MFHAS1: variants seen among roughly 807,000 people sequenced by gnomAD.
MFHAS1 encodes multifunctional ROCO family signaling regulator 1.
MFHAS1 carries 50 observed loss-of-function variants against 70.4 expected under a neutral mutation model. The ratio of observed to expected loss-of-function variants is 0.71; its 90% confidence interval spans 0.57 to 0.90. The LOEUF is 0.90. Among genes scored for constraint, MFHAS1 ranks in the 40% least tolerant of loss-of-function variants. The pLI is 0.00. For synonymous variants in MFHAS1, 952 were observed against 620.0 expected (o/e 1.54, Z -7.96); for missense variants, 1,795 against 1,347.6 (o/e 1.33, Z -5.20).
chr8:8,811,206 G>A (rs1374740098), intron 1 of MFHAS1, among the ~76,000 whole-genome samples: 2 of 152,024 alleles, frequency 1.3e-5, no homozygotes, highest in Non-Finnish European at 2.9e-5. Context: ...GAAACCCACA[G>A]CATCTATGAT....
intron 1 of MFHAS1, among the ~76,000 whole-genome samples, chr8:8,870,111 G>A (rs1430286051): frequency 6.6e-6 from 1 of 152,100 alleles, no homozygotes; most frequent in East Asian, 1.9e-4. Context: ...CCAGATGCCA[G>A]AAGTTCCTTC....
intron 1 of MFHAS1, among the ~76,000 whole-genome samples, chr8:8,824,521 TCACACACA>T (rs57194505): frequency 0.016 from 2,297 of 146,010 alleles, 56 homozygotes; most frequent in African/African-American, 0.042. Flanking sequence ...TCTCTCTCTT[TCACACACA>T]CACACACACA....
At chr8:8,793,111 G>A (rs988928405) in intron 2 of MFHAS1, among the ~76,000 whole-genome samples, 3 of 152,030 alleles carry the variant, frequency 2.0e-5, no homozygotes, top group Non-Finnish European at 2.9e-5. Context: ...CCAATGAAAC[G>A]CTGGTGGAGA....
At chr8:8,888,480 T>C (rs936662368) in intron 1 of MFHAS1, among the ~76,000 whole-genome samples, 35 of 151,900 alleles carry the variant, frequency 2.3e-4, no homozygotes, top group African/African-American at 7.5e-4. Flanking sequence ...ACTTGGAATG[T>C]TGTTAACCAC....
intron 1 of MFHAS1, among the ~76,000 whole-genome samples, chr8:8,870,724 T>C (rs558206477): frequency 2.3e-4 from 35 of 152,270 alleles, no homozygotes; most frequent in African/African-American, 8.2e-4. Context: ...CTGGAATTTA[T>C]TACACAGCCC....
intron 1 of MFHAS1, among the ~76,000 whole-genome samples, chr8:8,848,602 G>A (rs1347899060): frequency 7.0e-6 from 1 of 143,192 alleles, no homozygotes; most frequent in African/African-American, 2.4e-5. Flanking sequence ...TACTACTAAC[G>A]GAGCTGGGCA....
chr8:8,828,184 C>A (rs999048533), intron 1 of MFHAS1, among the ~76,000 whole-genome samples: 17 of 152,200 alleles, frequency 1.1e-4, no homozygotes, highest in African/African-American at 4.1e-4. Context: ...ACTCGTCAAT[C>A]ATTTGTGTCG....
intron 1 of MFHAS1, among the ~76,000 whole-genome samples, chr8:8,824,795 T>C (rs571696127): frequency 3.3e-5 from 5 of 151,870 alleles, no homozygotes; most frequent in East Asian, 3.9e-4. Context: ...GGAAAGAAAA[T>C]AGATTAGAGA....
intron 2 of MFHAS1, among the ~76,000 whole-genome samples, chr8:8,796,407 C>CA (rs1334020090): frequency 1.3e-5 from 2 of 152,142 alleles, no homozygotes; most frequent in African/African-American, 4.8e-5. Context: ...GACTGCCCGT[C>CA]AAAAAACTAT....
chr8:8,849,476 A>G (rs924563945), intron 1 of MFHAS1, among the ~76,000 whole-genome samples: 1 of 152,204 alleles, frequency 6.6e-6, no homozygotes, highest in African/African-American at 2.4e-5. Context: ...CCACATGTGC[A>G]TAATGTGTGT....
At position 8,890,043 on chromosome 8, in the gene MFHAS1, C is replaced by T. The variant is rs1328920532; in HGVS notation, c.2998+18G>A. 1 of 1,555,446 alleles carries T rather than the reference C, an allele frequency of 6.4e-7. No individual in the cohort carries two copies. Among genetic ancestry groups the T allele is most frequent in the East Asian group, 2.3e-5 (1 of 44,268 alleles). Reference sequence around the variant, plus strand: ...CTTACAGCATACCACAGAAGAACTTCTCCCTCTCTCCACTTACCTGGAAAA... The same window carrying T: ...CTTACAGCATACCACAGAAGAACTTTTCCCTCTCTCCACTTACCTGGAAAA... On this transcript the variant is annotated intron_variant, in intron 1 of 2. Transcript: ENST00000276282.
intron 1 of MFHAS1, among the ~76,000 whole-genome samples, chr8:8,877,197 G>A (rs1240898818): frequency 6.6e-6 from 1 of 151,522 alleles, no homozygotes; most frequent in African/African-American, 2.4e-5. Context: ...CTACTGGGGA[G>A]GCTGAGGTGG....
At chr8:8,857,525 C>T (rs1808488681) in intron 1 of MFHAS1, among the ~76,000 whole-genome samples, 1 of 152,054 alleles carries the variant, frequency 6.6e-6, no homozygotes. Flanking sequence ...TTGGGAGTCC[C>T]AGGCAGGTGG....
At chr8:8,868,697 C>G (rs1007739896) in intron 1 of MFHAS1, among the ~76,000 whole-genome samples, 1 of 152,136 alleles carries the variant, frequency 6.6e-6, no homozygotes, top group Non-Finnish European at 1.5e-5. Context: ...GGCATGACAC[C>G]TGAGTCTGGG....
chr8:8,796,696 A>AAAAAAGGC (rs1805911809), intron 2 of MFHAS1, among the ~76,000 whole-genome samples: 1 of 97,408 alleles, frequency 1.0e-5, no homozygotes, highest in African/African-American at 3.4e-5. Context: ...AACAAAAAAA[A>AAAAAAGGC]AAAAAAAGGC....
chr8:8,859,139 G>C (rs332032), intron 1 of MFHAS1, among the ~76,000 whole-genome samples: 26,238 of 152,172 alleles, frequency 0.17, 2,772 homozygotes, highest in African/African-American at 0.3. Flanking sequence ...GATCACTTGA[G>C]GTCAGGAGTT....
rs1303197769 is a variant in MFHAS1 at position 8,891,077 on chromosome 8, C to G, written c.1982G>C (p.Arg661Pro). 6.2e-7 allele frequency: 1 copy of G among 1,613,642 alleles called. No homozygotes were observed. The highest frequency in any genetic ancestry group is 1.1e-5 in the South Asian group (1 of 91,038). The change falls in exon 1 of 3, where the codon CGA becomes CCA. Residue 661 changes from arginine (R) to proline (P), a missense_variant. Physicochemically the swap from Arg to Pro is moderately radical, Grantham distance 103. Transcript: ENST00000276282. This position sits in a 1 kb window ranked among gnomAD's most constrained non-coding sequence, Gnocchi z 5.4. ...CAGTTCCTCCAGCACCTGCCAGGAT[C>G]GAGGCAGTACTCTGTGTAAGTTGGG... is the stretch of plus-strand genomic sequence containing the variant. Reference protein sequence around the residue: ...IFPNLHRVLPRSWQVLEELHF... With the variant: ...IFPNLHRVLPPSWQVLEELHF...
chr8:8,797,574 TG>T, intron 1 of MFHAS1, 83 bp from the exon 2 acceptor site: 1 of 1,462,320 alleles, frequency 6.8e-7, no homozygotes, highest in Non-Finnish European at 9.4e-7. Context: ...TGCCCGGGGA[TG>T]GGGGCAGGGG....
intron 1 of MFHAS1, among the ~76,000 whole-genome samples, chr8:8,842,251 C>T (rs7833171): frequency 0.49 from 74,630 of 151,130 alleles, 18,855 homozygotes; most frequent in East Asian, 0.72. Flanking sequence ...GGTGGCTCAA[C>T]CTCGGCTCAC....
Sources: allele counts gnomAD v4.1 joint callset (sites outside exome capture counted in the v4.1 genomes callset), GRCh38; gene constraint gnomAD v4.1.1; non-coding constraint Gnocchi (gnomAD v3.1); transcripts MANE v1.5; gene names NCBI Gene and HGNC (gene_info 2026-07-23, HGNC 2026-07-21).